IL1RAPL2: variants seen among roughly 807,000 people sequenced by gnomAD.
The protein encoded by IL1RAPL2 is interleukin 1 receptor accessory protein like 2, also known as X-linked interleukin-1 receptor accessory protein-like 2.
In IL1RAPL2, 3 loss-of-function variants were observed where a neutral mutation model predicts 44.1. That is an observed-to-expected ratio of 0.07 (90% CI 0.03 to 0.18). The LOEUF (loss-of-function observed/expected upper bound fraction) is 0.18. Ranked by LOEUF, IL1RAPL2 falls within the 10% of genes least tolerant of loss-of-function variation. The probability of loss-of-function intolerance (pLI) is 1.00; values close to 1 mark genes in which losing one functional copy is unlikely to be tolerated. For synonymous variants in IL1RAPL2, 181 were observed against 178.8 expected, an observed-to-expected ratio of 1.01 and a Z score of -0.10; for missense variants, 391 against 496.4, an observed-to-expected ratio of 0.79 and a Z score of 2.02.
At chrX:104,668,461 T>A (rs373318885) in intron 2 of IL1RAPL2, among the ~76,000 whole-genome samples, 38 of 98,062 alleles carry the variant, frequency 3.9e-4, no homozygotes, top group Middle Eastern at 4.9e-3. Context: ...TATCTCCTAA[T>A]GCTATCCCTC....
intron 1 of IL1RAPL2, among the ~76,000 whole-genome samples, chrX:104,652,650 A>G (rs1930173937): frequency 9.0e-6 from 1 of 111,551 alleles, no homozygotes; most frequent in South Asian, 3.7e-4. Flanking sequence ...TAAACTTGAA[A>G]TGGTATTATT....
At chrX:104,586,127 A>G (rs1315630025) in intron 1 of IL1RAPL2, among the ~76,000 whole-genome samples, 3 of 111,755 alleles carry the variant, frequency 2.7e-5, no homozygotes, top group African/African-American at 9.8e-5. Context: ...ACTTTTTATT[A>G]ATAGCCATTC....
At chrX:104,780,612 A>G (rs1471725757) in intron 2 of IL1RAPL2, among the ~76,000 whole-genome samples, 3 of 111,458 alleles carry the variant, frequency 2.7e-5, no homozygotes, top group African/African-American at 9.8e-5. Flanking sequence ...CTCCCTCTCT[A>G]TTTCTATAGA....
intron 2 of IL1RAPL2, among the ~76,000 whole-genome samples, chrX:104,788,678 G>C (rs1932811001): frequency 8.9e-6 from 1 of 111,800 alleles, no homozygotes; most frequent in African/African-American, 3.3e-5. Flanking sequence ...AGATTACCAA[G>C]AGCTTTCACT....
intron 6 of IL1RAPL2, among the ~76,000 whole-genome samples, chrX:105,509,568 A>G (rs1362415339): frequency 8.9e-6 from 1 of 111,952 alleles, no homozygotes; most frequent in Non-Finnish European, 1.9e-5. Flanking sequence ...TGTTAAGTGC[A>G]TATATGTATG....
intron 6 of IL1RAPL2, among the ~76,000 whole-genome samples, chrX:105,558,907 T>G (rs2036914002): frequency 8.9e-6 from 1 of 111,830 alleles, no homozygotes; most frequent in South Asian, 3.7e-4. Flanking sequence ...TTAAATCTGT[T>G]TACCTCAAGT....
chrX:105,667,243 G>A (rs1000843854), intron 6 of IL1RAPL2, among the ~76,000 whole-genome samples: 2 of 111,968 alleles, frequency 1.8e-5, no homozygotes, highest in African/African-American at 6.5e-5. Context: ...ATTGAATGGG[G>A]TTGAGGTTAG....
At chrX:105,742,150 T>C (rs1189229080) in intron 8 of IL1RAPL2, among the ~76,000 whole-genome samples, 2 of 111,282 alleles carry the variant, frequency 1.8e-5, no homozygotes. Flanking sequence ...TAATAAGCAC[T>C]TAGAACCCAT....
At chrX:105,028,699 G>A (rs1312412567) in intron 2 of IL1RAPL2, among the ~76,000 whole-genome samples, 1 of 110,334 alleles carries the variant, frequency 9.1e-6, no homozygotes, top group African/African-American at 3.3e-5. Context: ...ATCAAGGATT[G>A]ACTGGGAAGC....
At chrX:105,349,673 A>T (rs2147703975) in intron 5 of IL1RAPL2, among the ~76,000 whole-genome samples, 1 of 111,760 alleles carries the variant, frequency 8.9e-6, no homozygotes, top group African/African-American at 3.2e-5. Flanking sequence ...CTTTCATTTT[A>T]TGGCATGAGA....
At chrX:105,424,320 C>G (rs772607796) in intron 5 of IL1RAPL2, among the ~76,000 whole-genome samples, 1 of 110,638 alleles carries the variant, frequency 9.0e-6, no homozygotes, top group African/African-American at 3.3e-5. Context: ...GGAGAATGGT[C>G]TTCCAGGTCA....
chrX:105,604,465 T>A (rs1275884771), intron 6 of IL1RAPL2, among the ~76,000 whole-genome samples: 1 of 109,002 alleles, frequency 9.2e-6, no homozygotes, highest in Non-Finnish European at 1.9e-5. Context: ...ATAGGAAACC[T>A]GAACAGAACA....
At chrX:104,578,886 T>C (rs1160160828) in intron 1 of IL1RAPL2, among the ~76,000 whole-genome samples, 1 of 111,558 alleles carries the variant, frequency 9.0e-6, no homozygotes, top group Non-Finnish European at 1.9e-5. Context: ...AATATACTAT[T>C]TGGCTCACAA....
chrX:104,635,030 C>T (rs1211864054), intron 1 of IL1RAPL2, among the ~76,000 whole-genome samples: 1 of 111,112 alleles, frequency 9.0e-6, no homozygotes, highest in East Asian at 2.8e-4. Flanking sequence ...TCTTTTAGGG[C>T]AGGCCTGGTG....
chrX:104,637,879 G>T (rs1929856056), intron 1 of IL1RAPL2, among the ~76,000 whole-genome samples: 1 of 109,981 alleles, frequency 9.1e-6, no homozygotes, highest in Admixed American at 9.8e-5. Context: ...TGCTGGCCTT[G>T]TGGAATGAGT....
chrX:104,763,425 GTCT>G (rs769094145), intron 2 of IL1RAPL2, among the ~76,000 whole-genome samples: 28 of 112,014 alleles, frequency 2.5e-4, no homozygotes, highest in Non-Finnish European at 4.3e-4. Context: ...ACATTTTTCT[GTCT>G]TCTTCTTAGC....
chrX:105,417,710 A>G (rs1030805630), intron 5 of IL1RAPL2, among the ~76,000 whole-genome samples: 1 of 111,912 alleles, frequency 8.9e-6, no homozygotes, highest in Non-Finnish European at 1.9e-5. Context: ...TGGCAGGATG[A>G]AAAGATGAGA....
chrX:105,584,975 G>T (rs1164560475), intron 6 of IL1RAPL2, among the ~76,000 whole-genome samples: 2 of 109,726 alleles, frequency 1.8e-5, no homozygotes, highest in Non-Finnish European at 3.8e-5. Context: ...ATTCCTTTTA[G>T]ATCACTATTT....
intron 5 of IL1RAPL2, among the ~76,000 whole-genome samples, chrX:105,323,722 A>G (rs763201779): frequency 2.7e-5 from 3 of 111,249 alleles, no homozygotes; most frequent in Admixed American, 9.6e-5. Flanking sequence ...CTAAAAATAC[A>G]AAAATTAGCT....
Sources: gnomAD v4.1 joint callset for allele counts (sites outside exome capture counted in the v4.1 genomes callset) on GRCh38, gnomAD v4.1.1 for gene constraint, MANE v1.5 for transcripts, NCBI Gene and HGNC (gene_info 2026-07-23, HGNC 2026-07-21) for gene names.